B4GALT6: variants seen among roughly 807,000 people sequenced by gnomAD.
B4GALT6 encodes the protein beta-1,4-galactosyltransferase 6.
A neutral mutation model predicts 46.3 loss-of-function variants in B4GALT6; 14 were observed. The ratio of observed to expected loss-of-function variants is 0.30; its 90% CI spans 0.20 to 0.47. The LOEUF is 0.47. Among genes scored for constraint, B4GALT6 ranks in the 20% least tolerant of loss-of-function variants. B4GALT6 has a pLI of 0.99. For missense variants in B4GALT6, 386 were observed against 480.1 expected (o/e 0.80, Z 1.83); for synonymous variants, 168 against 162.0 (o/e 1.04, Z -0.28).
At chr18:31,646,455 C>T (rs2073991850) in intron 3 of B4GALT6, among the ~76,000 whole-genome samples, 1 of 152,234 alleles carries the variant, frequency 6.6e-6, no homozygotes, top group Non-Finnish European at 1.5e-5. Flanking sequence ...ATGCTATCTT[C>T]AATGACTTCA....
At chr18:31,704,680 C>G in the B4GALT6 span, among the ~76,000 whole-genome samples, 1 of 152,088 alleles carries the variant, frequency 6.6e-6, no homozygotes, top group South Asian at 2.1e-4. Flanking sequence ...CTCTCCTCAC[C>G]AACAATACAT....
chr18:31,689,611 G>A (rs576289260), upstream of B4GALT6, among the ~76,000 whole-genome samples: 4 of 152,210 alleles, frequency 2.6e-5, no homozygotes, highest in South Asian at 6.2e-4. Flanking sequence ...GGGCATGGTG[G>A]CGCACACCTG....
chr18:31,648,467 G>A (rs779803684), intron 3 of B4GALT6, among the ~76,000 whole-genome samples: 105 of 152,202 alleles, frequency 6.9e-4, no homozygotes, highest in Non-Finnish European at 1.3e-3. Flanking sequence ...AGGTCAAGGT[G>A]AAGGACAGGG....
chr18:31,714,352 C>T, the B4GALT6 span, among the ~76,000 whole-genome samples: 11 of 152,302 alleles, frequency 7.2e-5, no homozygotes, highest in African/African-American at 2.2e-4. Flanking sequence ...CACTAGAACG[C>T]TAAAGTTACT....
the B4GALT6 span, among the ~76,000 whole-genome samples, chr18:31,703,737 T>C: frequency 2.6e-5 from 4 of 152,164 alleles, no homozygotes; most frequent in African/African-American, 9.7e-5. Flanking sequence ...GTGTGATACA[T>C]AGAGAATTAA....
intron 1 of B4GALT6, among the ~76,000 whole-genome samples, chr18:31,673,674 C>T (rs1341708144): frequency 6.6e-6 from 1 of 152,168 alleles, no homozygotes; most frequent in Non-Finnish European, 1.5e-5. Flanking sequence ...ATGTTAAGTA[C>T]ACATACACAA....
chr18:31,706,247 C>A, the B4GALT6 span, among the ~76,000 whole-genome samples: 1 of 151,726 alleles, frequency 6.6e-6, no homozygotes, highest in African/African-American at 2.4e-5. Flanking sequence ...TACATACAGG[C>A]AAGAGGAGTA....
chr18:31,655,143 G>A (rs1031912713), intron 3 of B4GALT6, among the ~76,000 whole-genome samples: 1 of 152,202 alleles, frequency 6.6e-6, no homozygotes, highest in Non-Finnish European at 1.5e-5. Context: ...CCACTTTGCG[G>A]AGGTCACAGG....
At chr18:31,693,024 C>T in the B4GALT6 span, among the ~76,000 whole-genome samples, 20 of 152,330 alleles carry the variant, frequency 1.3e-4, no homozygotes, top group East Asian at 3.9e-3. Flanking sequence ...ATGTCAAAGA[C>T]TTCTACCAAT....
intron 5 of B4GALT6, among the ~76,000 whole-genome samples, chr18:31,635,826 ACT>A (rs916076147): frequency 3.3e-5 from 5 of 152,158 alleles, no homozygotes; most frequent in African/African-American, 1.2e-4. Flanking sequence ...TCAAAAAAAA[ACT>A]TTTTTGAGTA....
chr18:31,628,330 A>T (rs181006721), intron 6 of B4GALT6, among the ~76,000 whole-genome samples: 1 of 152,296 alleles, frequency 6.6e-6, no homozygotes, highest in African/African-American at 2.4e-5. Flanking sequence ...TGTACTTCCC[A>T]CATCAGATGG....
chr18:31,682,724 G>A (rs962301736), intron 1 of B4GALT6, among the ~76,000 whole-genome samples: 1 of 152,000 alleles, frequency 6.6e-6, no homozygotes, highest in African/African-American at 2.4e-5. Context: ...ATGTAAGTGT[G>A]AAAAAAACTT....
At chr18:31,633,239 GC>G (rs2073813412) in intron 5 of B4GALT6, among the ~76,000 whole-genome samples, 1 of 152,032 alleles carries the variant, frequency 6.6e-6, no homozygotes, top group Non-Finnish European at 1.5e-5. Context: ...GCCTATGAAA[GC>G]CCTGAGATCC....
chr18:31,669,217 G>A (rs1396314607), intron 1 of B4GALT6, among the ~76,000 whole-genome samples: 1 of 152,120 alleles, frequency 6.6e-6, no homozygotes, highest in African/African-American at 2.4e-5. Flanking sequence ...ATTAGGTAAA[G>A]CTGTGCATAA....
At chr18:31,717,814 C>T in the B4GALT6 span, among the ~76,000 whole-genome samples, 3 of 151,870 alleles carry the variant, frequency 2.0e-5, no homozygotes, top group Non-Finnish European at 2.9e-5. Flanking sequence ...ATTAGCCGAG[C>T]GTGGTGGCAC....
chr18:31,687,444 C>T (rs2029966616), upstream of B4GALT6, among the ~76,000 whole-genome samples: 2 of 152,134 alleles, frequency 1.3e-5, no homozygotes, highest in Admixed American at 6.5e-5. Context: ...GGTCTCAGCT[C>T]ATGTTTAAAA....
At chr18:31,716,761 C>T in the B4GALT6 span, among the ~76,000 whole-genome samples, 24 of 152,278 alleles carry the variant, frequency 1.6e-4, no homozygotes, top group Non-Finnish European at 3.2e-4. Flanking sequence ...TCCACAATTA[C>T]ATGGGGCATT....
chr18:31,670,869 T>C (rs2074345975), intron 1 of B4GALT6, among the ~76,000 whole-genome samples: 1 of 152,104 alleles, frequency 6.6e-6, no homozygotes, highest in African/African-American at 2.4e-5. Context: ...GTCACCTACA[T>C]TAGGTATTTC....
the B4GALT6 span, among the ~76,000 whole-genome samples, chr18:31,721,880 C>CTCTG: frequency 3.0e-4 from 46 of 151,308 alleles, no homozygotes; most frequent in African/African-American, 1.0e-3. Flanking sequence ...CTCTCTCTCT[C>CTCTG]TGTGTGTGTA....
Sources: allele counts gnomAD v4.1 joint callset (sites outside exome capture counted in the v4.1 genomes callset), GRCh38; gene constraint gnomAD v4.1.1; transcripts MANE v1.5; gene names NCBI Gene and HGNC (gene_info 2026-07-23, HGNC 2026-07-21).